The following HEPACAM2 variants were observed in gnomAD, a reference collection of about 807,000 sequenced individuals.
HEPACAM2 encodes HEPACAM family member 2, also known as mitotic kinetics regulator.
HEPACAM2 carries 49 observed loss-of-function variants against 49.6 expected under a neutral mutation model. The ratio of observed to expected loss-of-function variants is 0.99; its 90% CI spans 0.78 to 1.25. HEPACAM2 has a LOEUF of 1.25. Ranked by LOEUF, HEPACAM2 falls within the 50% of genes most tolerant of loss-of-function variation. HEPACAM2 has a pLI of 0.00. For missense variants in HEPACAM2, 525 were observed against 557.2 expected (o/e 0.94, Z 0.58); for synonymous variants, 197 against 202.9 (o/e 0.97, Z 0.25).
chr7:93,207,842 T>G (rs1423602771), intron 4 of HEPACAM2, among the ~76,000 whole-genome samples: 4 of 151,804 alleles, frequency 2.6e-5, no homozygotes, highest in Non-Finnish European at 5.9e-5. Flanking sequence ...AGATATAGAT[T>G]TGGGATGTAC....
At chr7:93,201,513 C>G (rs1411766373) in intron 4 of HEPACAM2, among the ~76,000 whole-genome samples, 1 of 151,892 alleles carries the variant, frequency 6.6e-6, no homozygotes, top group East Asian at 1.9e-4. Context: ...AAATTCTAAT[C>G]AATAGTTATA....
intron 4 of HEPACAM2, among the ~76,000 whole-genome samples, chr7:93,197,912 G>A (rs1252022892): frequency 6.6e-6 from 1 of 152,048 alleles, no homozygotes; most frequent in African/African-American, 2.4e-5. Flanking sequence ...TGCCACCTTA[G>A]ATCTGTTTCA....
chr7:93,216,752 A>G (rs1278263549), intron 2 of HEPACAM2, among the ~76,000 whole-genome samples: 1 of 152,200 alleles, frequency 6.6e-6, no homozygotes, highest in African/African-American at 2.4e-5. Flanking sequence ...CCTTCTATGT[A>G]TGACTACATG....
chr7:93,225,513 A>C (rs1443171244), intron 1 of HEPACAM2, among the ~76,000 whole-genome samples: 1 of 152,172 alleles, frequency 6.6e-6, no homozygotes, highest in Non-Finnish European at 1.5e-5. Context: ...GAAGCCTAAA[A>C]GTTAAATTGC....
rs1372739864 is a variant in HEPACAM2 at position 93,197,234 on chromosome 7, C to T, written c.1201+7G>A. On this transcript the variant is annotated splice_region_variant and intron_variant, in intron 7 of 9. Coordinates refer to ENST00000394468, the MANE Select transcript of HEPACAM2 (RefSeq NM_001039372.4). ...CTGATAATAGCCCTTTTCAGCTTGGCCATTACCTGAAAATGTTTGAGCTTT... is the reference window on the plus strand; with the variant it reads ...CTGATAATAGCCCTTTTCAGCTTGGTCATTACCTGAAAATGTTTGAGCTTT... 14 of 1,607,312 alleles carry T rather than the reference C, an allele frequency of 8.7e-6. No homozygotes were observed. Among genetic ancestry groups the T allele is most frequent in the Non-Finnish European group, 1.2e-5 (14 of 1,176,544 alleles).
the HEPACAM2 span, among the ~76,000 whole-genome samples, chr7:93,231,830 A>G: frequency 6.6e-6 from 1 of 152,198 alleles, no homozygotes; most frequent in East Asian, 1.9e-4. Context: ...AGACTGAGGT[A>G]GAACAGCCCT....
chr7:93,204,372 A>ATCTG (rs1334548620), intron 4 of HEPACAM2, among the ~76,000 whole-genome samples: 2 of 142,664 alleles, frequency 1.4e-5, no homozygotes, highest in Non-Finnish European at 1.5e-5. Flanking sequence ...CTATCTATCT[A>ATCTG]TCATCTCTCT....
chr7:93,195,364 C>T (rs1295028953), intron 8 of HEPACAM2, among the ~76,000 whole-genome samples: 2 of 151,992 alleles, frequency 1.3e-5, no homozygotes, highest in Non-Finnish European at 2.9e-5. Context: ...GAAGCTGGGA[C>T]CAGAGGCATG....
chr7:93,231,544 A>T, the HEPACAM2 span, among the ~76,000 whole-genome samples: 1 of 152,192 alleles, frequency 6.6e-6, no homozygotes, highest in Non-Finnish European at 1.5e-5. Flanking sequence ...TCGGCTTTCG[A>T]TAAGTGTTAG....
At chr7:93,228,220 A>G (rs1794572630), upstream of HEPACAM2, among the ~76,000 whole-genome samples, 4 of 152,206 alleles carry the variant, frequency 2.6e-5, no homozygotes, top group Admixed American at 1.3e-4. Flanking sequence ...AATATACTCA[A>G]TATAAAGGAG....
At position 93,189,002 on chromosome 7, in the gene HEPACAM2, G is replaced by A. The variant is rs1189488498; in HGVS notation, c.*265C>T. 8 of 454,590 alleles carry A rather than the reference G, an allele frequency of 1.8e-5. No individual in the cohort carries two copies. The highest frequency in any genetic ancestry group is 4.0e-5 in the African/African-American group (2 of 49,606). The allele number at this position is 454,590 out of a possible 1,614,324, so 28.2% of individuals were successfully genotyped here. The stretch of plus-strand genomic sequence containing the variant: ...TTATGAGGAAACCCCTGTCACTTTC[G>A]TTCTCCCCGTCAGCATGAGAACGAC... On this transcript the variant is annotated 3_prime_UTR_variant, in exon 10 of 10. Coordinates refer to ENST00000394468, the MANE Select transcript of HEPACAM2 (RefSeq NM_001039372.4).
intron 4 of HEPACAM2, among the ~76,000 whole-genome samples, chr7:93,204,329 T>C (rs868079015): frequency 8.3e-4 from 24 of 28,902 alleles, no homozygotes; most frequent in Non-Finnish European, 1.6e-3. Context: ...ACATTCTCTA[T>C]CTATCTATCT....
chr7:93,212,030 T>G (rs1028268017), intron 3 of HEPACAM2, among the ~76,000 whole-genome samples: 1 of 152,028 alleles, frequency 6.6e-6, no homozygotes, highest in East Asian at 1.9e-4. Context: ...GGGGAACTCC[T>G]CATTTGGAGT....
intron 9 of HEPACAM2, among the ~76,000 whole-genome samples, chr7:93,190,966 G>A (rs1185936959): frequency 6.6e-6 from 1 of 151,788 alleles, no homozygotes; most frequent in Non-Finnish European, 1.5e-5. Flanking sequence ...TAGAAGAAAG[G>A]ATACATAGAA....
chr7:93,207,566 T>C (rs1243439617), intron 4 of HEPACAM2, among the ~76,000 whole-genome samples: 1 of 150,506 alleles, frequency 6.6e-6, no homozygotes, highest in East Asian at 2.0e-4. Context: ...ATCTGAGAAA[T>C]AGGAAGGAAG....
Position 93,189,288 on chromosome 7 carries a change from A to AAAATATGT in HEPACAM2, c.1386-26_1386-19dup, listed in dbSNP as rs765613200. On this transcript the variant is annotated intron_variant, in intron 9 of 9. Transcript: ENST00000394468. ...AAGTTCACCTAGTGAAGAGATATAC[A>AAAATATGT]AAATATGTAAACAGTTCTATAGATT... 2 of 1,580,296 alleles carry AAAATATGT rather than the reference A, an allele frequency of 1.3e-6. No individual in the cohort carries two copies. The highest frequency in any genetic ancestry group is 1.7e-6 in the Non-Finnish European group (2 of 1,159,986).
chr7:93,221,485 C>T (rs976838267), intron 1 of HEPACAM2, among the ~76,000 whole-genome samples: 2 of 152,132 alleles, frequency 1.3e-5, no homozygotes, highest in African/African-American at 4.8e-5. Flanking sequence ...TAGGCCTGTT[C>T]CTATGAGGAA....
chr7:93,228,366 T>A (rs1041200579), upstream of HEPACAM2, among the ~76,000 whole-genome samples: 1 of 152,162 alleles, frequency 6.6e-6, no homozygotes, highest in African/African-American at 2.4e-5. Context: ...ATGGCACATA[T>A]TGAAATATAA....
At chr7:93,195,589 T>C (rs1009803651) in intron 8 of HEPACAM2, among the ~76,000 whole-genome samples, 1 of 152,166 alleles carries the variant, frequency 6.6e-6, no homozygotes, top group East Asian at 1.9e-4. Context: ...GTAAAGACTA[T>C]TTATGAATTA....
Sources: allele counts gnomAD v4.1 joint callset (sites outside exome capture counted in the v4.1 genomes callset), GRCh38; gene constraint gnomAD v4.1.1; transcripts MANE v1.5; gene names NCBI Gene and HGNC (gene_info 2026-07-23, HGNC 2026-07-21).